The following COMT variants were observed in gnomAD, a reference collection of about 807,000 sequenced individuals.
COMT encodes catechol O-methyltransferase.
A neutral mutation model predicts 18.9 loss-of-function variants in COMT; 13 were observed. That is an observed-to-expected ratio of 0.69 (90% CI 0.45 to 1.09). COMT has a LOEUF of 1.09. COMT is among the 50% of genes least tolerant of loss of function. The probability of loss-of-function intolerance (pLI) is 0.00; values close to 1 mark genes in which losing one functional copy is unlikely to be tolerated. For synonymous variants in COMT, 150 were observed against 160.9 expected (o/e 0.93, Z 0.51); for missense variants, 329 against 361.8 (o/e 0.91, Z 0.73).
chr22:19,967,449 C>G lies in COMT; in HGVS notation c.616-1087C>G, dbSNP rs1296912077. ...ATGATTCATGGTGGTACTTCCTGCT[C>G]AACTCCGGACCTTGGGGCTGTCCCC... On this transcript the variant is annotated intron_variant, in intron 5 of 5. Coordinates refer to ENST00000361682, the MANE Select transcript of COMT (RefSeq NM_000754.4). 8 of 465,036 alleles carry G rather than the reference C, an allele frequency of 1.7e-5. No homozygotes were observed. In the East Asian group the frequency reaches 4.9e-4, roughly 28 times the overall value. The allele number at this position is 465,036 out of a possible 1,614,324, so 28.8% of individuals were successfully genotyped here.
intron 5 of COMT, chr22:19,967,318 GC>G: frequency 1.2e-6 from 1 of 818,032 alleles, no homozygotes; most frequent in Non-Finnish European, 1.8e-6. Flanking sequence ...CAGCCGCCCT[GC>G]TCAAGGCCTA....
chr22:19,951,964 C>T (rs1019629073), intron 1 of COMT, among the ~76,000 whole-genome samples: 5 of 152,082 alleles, frequency 3.3e-5, no homozygotes, highest in Non-Finnish European at 5.9e-5. Context: ...CTCAGGCAGG[C>T]GCTTTGAAGG....
At chr22:19,962,505 C>G (rs768578574) in intron 2 of COMT, 22 bp from the exon 3 acceptor site, 30 of 1,540,788 alleles carry the variant, frequency 1.9e-5, no homozygotes, top group Admixed American at 1.6e-4. Context: ...AGCACTGGCG[C>G]CCCTCCCCTC....
chr22:19,969,421 A>C lies in COMT; in HGVS notation c.*685A>C, dbSNP rs1278352200. 6.6e-6 allele frequency: 1 copy of C among 152,582 alleles called. No homozygotes were observed. Among genetic ancestry groups the C allele is most frequent in the East Asian group, 1.9e-4 (1 of 5,198 alleles). The allele number at this position is 152,582 out of a possible 1,614,324, so 9.5% of individuals were successfully genotyped here. A position where few individuals can be genotyped will look rare whatever the true frequency, so the allele number is the denominator to read the frequency against. On this transcript the variant is annotated 3_prime_UTR_variant, in exon 6 of 6. Coordinates refer to ENST00000361682, the MANE Select transcript of COMT (RefSeq NM_000754.4). Reference sequence around the variant, plus strand: ...CCCCACTGGGCCTTGCTTACAGAAGAGGCAATGGCTCAGACCAGCTCCCGC... The same window carrying C: ...CCCCACTGGGCCTTGCTTACAGAAGCGGCAATGGCTCAGACCAGCTCCCGC...
At chr22:19,947,377 A>G (rs1357943566) in intron 1 of COMT, among the ~76,000 whole-genome samples, 1 of 152,180 alleles carries the variant, frequency 6.6e-6, no homozygotes, top group Non-Finnish European at 1.5e-5. Flanking sequence ...CCCGGGGACC[A>G]CTACCACCAA....
intron 5 of COMT, chr22:19,967,010 A>G (rs1942436291): frequency 1.0e-6 from 1 of 985,294 alleles, no homozygotes; most frequent in Non-Finnish European, 1.2e-6. Context: ...AGTAGCTGGT[A>G]GGAGGCTTGC....
At chr22:19,956,777 T>G (rs185645252) in intron 1 of COMT, among the ~76,000 whole-genome samples, 80 of 152,062 alleles carry the variant, frequency 5.3e-4, no homozygotes, top group African/African-American at 1.9e-3. Flanking sequence ...GGTCTTACTA[T>G]GTTGCCCAGA....
chr22:19,942,549 C>T (rs569761105), intron 1 of COMT, among the ~76,000 whole-genome samples: 8 of 152,268 alleles, frequency 5.3e-5, no homozygotes, highest in East Asian at 1.9e-4. Flanking sequence ...GAAGTCACTC[C>T]GGGCCTGCCC....
chr22:19,964,891 C>T, intron 5 of COMT: 1 of 232,266 alleles, frequency 4.3e-6, no homozygotes. Flanking sequence ...ATCAGTGACA[C>T]ACTGCCCCAT....
At chr22:19,949,873 T>C (rs1941897742) in intron 1 of COMT, among the ~76,000 whole-genome samples, 1 of 152,204 alleles carries the variant, frequency 6.6e-6, no homozygotes, top group Non-Finnish European at 1.5e-5. Flanking sequence ...TCTCTAGAGG[T>C]ATATCCTTTT....
At position 19,968,556 on chromosome 22, in the gene COMT, G is replaced by C. The variant is rs1341905822; in HGVS notation, c.636G>C (p.Lys212Asn). 2 of 1,613,950 alleles carry C rather than the reference G, an allele frequency of 1.2e-6. No homozygotes were observed. Among genetic ancestry groups the C allele is most frequent in the African/African-American group, 2.7e-5 (2 of 74,922 alleles). Residue 212 changes from lysine (K) to asparagine (N), a missense_variant, in exon 6 of 6, where the codon AAG becomes AAC. Transcript: ENST00000361682. ...LLLEECGLLR[K>N]GTVLLADNVI... ...TGCAGGAATGTGGCCTGCTGCGGAA[G>C]GGGACAGTGCTACTGGCTGACAACG...
At chr22:19,948,292 G>T (rs1455353502) in intron 1 of COMT, among the ~76,000 whole-genome samples, 1 of 151,544 alleles carries the variant, frequency 6.6e-6, no homozygotes, top group Admixed American at 6.6e-5. Flanking sequence ...TCTCTTATAA[G>T]GTCACAGGAC....
chr22:19,957,050 A>G (rs1316567502), intron 1 of COMT, among the ~76,000 whole-genome samples: 1 of 150,146 alleles, frequency 6.7e-6, no homozygotes, highest in Non-Finnish European at 1.5e-5. Context: ...TCTGGGGTTC[A>G]CGCCATTCTC....
intron 1 of COMT, among the ~76,000 whole-genome samples, chr22:19,957,616 G>C (rs1942092724): frequency 6.6e-6 from 1 of 152,234 alleles, no homozygotes; most frequent in Admixed American, 6.5e-5. Context: ...AGCTGCCTGT[G>C]TCCTGGCCGC....
chr22:19,956,927 C>T (rs1265021104), intron 1 of COMT, among the ~76,000 whole-genome samples: 1 of 151,262 alleles, frequency 6.6e-6, no homozygotes, highest in East Asian at 1.9e-4. Flanking sequence ...ATGTTACTTG[C>T]AGTATATTTA....
Position 19,969,920 on chromosome 22 carries a change from A to AT in COMT, c.*1188dup. 3 of 985,436 alleles carry AT rather than the reference A, an allele frequency of 3.0e-6. No homozygotes were observed. The highest frequency in any genetic ancestry group is 3.6e-6 in the Non-Finnish European group (3 of 829,912). The allele number at this position is 985,436 out of a possible 1,614,324, so 61.0% of individuals were successfully genotyped here. On this transcript the variant is annotated 3_prime_UTR_variant, in exon 6 of 6. Coordinates refer to ENST00000361682, the MANE Select transcript of COMT (RefSeq NM_000754.4). ...GTTCCTTTGCTGCTTTAATTTTTAA[A>AT]TTTTCTTACAAAAATTTAGGTGTTT...
At chr22:19,956,120 C>T (rs376613517) in intron 1 of COMT, among the ~76,000 whole-genome samples, 11 of 131,272 alleles carry the variant, frequency 8.4e-5, no homozygotes, top group Non-Finnish European at 1.3e-4. Context: ...ATCTTTCTTT[C>T]TTTTTTTTCT....
intron 1 of COMT, among the ~76,000 whole-genome samples, chr22:19,944,374 C>T (rs537261216): frequency 6.6e-6 from 1 of 152,058 alleles, no homozygotes; most frequent in Admixed American, 6.6e-5. Context: ...TGGCAAAACC[C>T]TGTCTCTACT....
rs1048207530 is a variant in COMT, at chr22:19,961,188, G to A, written c.-91-11G>A. 1 of 152,284 alleles carries A rather than the reference G, an allele frequency of 6.6e-6. No homozygotes were observed. The highest frequency in any genetic ancestry group is 2.4e-5 in the African/African-American group (1 of 41,460). 9.4% of individuals were successfully genotyped at this position (152,284 alleles called of 1,614,324 possible). Reference sequence around the variant, plus strand: ...TTGATGATTATCCAAAGGCAAAATTGATTTCCACAGAAATAACATCTGCTT... The same window carrying A: ...TTGATGATTATCCAAAGGCAAAATTAATTTCCACAGAAATAACATCTGCTT... On this transcript the variant is annotated splice_polypyrimidine_tract_variant and intron_variant, in intron 1 of 5. Coordinates refer to ENST00000361682, the MANE Select transcript of COMT (RefSeq NM_000754.4).
Sources: allele counts gnomAD v4.1 joint callset (sites outside exome capture counted in the v4.1 genomes callset), GRCh38; gene constraint gnomAD v4.1.1; transcripts MANE v1.5; gene names NCBI Gene and HGNC (gene_info 2026-07-23, HGNC 2026-07-21).